The following ADGRF5 variants were observed in gnomAD, a reference collection of about 807,000 sequenced individuals.
ADGRF5 encodes G-protein coupled receptor 116.
ADGRF5 carries 75 observed loss-of-function variants against 132.3 expected under a neutral mutation model. The ratio of observed to expected loss-of-function variants is 0.57; its 90% CI spans 0.47 to 0.69. The LOEUF is 0.69. ADGRF5 is among the 30% of genes least tolerant of loss of function. The pLI is 0.00. For missense variants in ADGRF5, 1,516 were observed against 1,630.6 expected (o/e 0.93, Z 1.21); for synonymous variants, 629 against 597.6 (o/e 1.05, Z -0.77).
At position 46,884,869 on chromosome 6, in the gene ADGRF5, G is replaced by A. The variant is rs944590713; in HGVS notation, c.329-598C>T. Among the ~76,000 whole-genome samples, 4 of 152,132 alleles carry A rather than the reference G, an allele frequency of 2.6e-5. No homozygotes were observed. The South Asian group carries it at 8.3e-4, about 32-fold the overall frequency. On this transcript the variant is annotated intron_variant, in intron 4 of 20. Transcript: ENST00000283296. ...AGGTCTACAGCCAATAGCTAGTGAGGAACTGGAGGCTGCCAACAACCACAT... is the reference window on the plus strand; with the variant it reads ...AGGTCTACAGCCAATAGCTAGTGAGAAACTGGAGGCTGCCAACAACCACAT...
chr6:46,900,270 A>T (rs1774617583), intron 2 of ADGRF5, among the ~76,000 whole-genome samples, 187 bp from the exon 3 acceptor site: 1 of 152,136 alleles, frequency 6.6e-6, no homozygotes, highest in South Asian at 2.1e-4. Flanking sequence ...TGGAGCTGTT[A>T]CTGTAGTGTG....
intron 2 of ADGRF5, among the ~76,000 whole-genome samples, chr6:46,905,656 T>C (rs1775276796): frequency 6.6e-6 from 1 of 151,798 alleles, no homozygotes; most frequent in Non-Finnish European, 1.5e-5. Flanking sequence ...ATTGGAATAG[T>C]AGACAAATAA....
chr6:46,861,737 C>T (rs1191448201), intron 15 of ADGRF5, among the ~76,000 whole-genome samples: 1 of 152,134 alleles, frequency 6.6e-6, no homozygotes, highest in Non-Finnish European at 1.5e-5. Context: ...AGTAAGTATC[C>T]AGTAAGTATA....
intron 1 of ADGRF5, among the ~76,000 whole-genome samples, chr6:46,913,843 T>C (rs1441323961): frequency 3.3e-5 from 5 of 152,326 alleles, no homozygotes; most frequent in African/African-American, 9.6e-5. Flanking sequence ...AGGAACTAAC[T>C]GTATTAGTAC....
chr6:46,936,701 C>T (rs1346274668), intron 1 of ADGRF5, among the ~76,000 whole-genome samples: 1 of 152,188 alleles, frequency 6.6e-6, no homozygotes, highest in East Asian at 1.9e-4. Context: ...TCTGTTTACC[C>T]TCCAGGTCCA....
intron 10 of ADGRF5, among the ~76,000 whole-genome samples, chr6:46,873,067 C>A (rs1310633982): frequency 2.0e-5 from 3 of 152,080 alleles, no homozygotes; most frequent in Non-Finnish European, 4.4e-5. Context: ...CTAAGGCTCA[C>A]CCCGCCACTT....
At chr6:46,891,684 G>A (rs981060858) in intron 3 of ADGRF5, among the ~76,000 whole-genome samples, 3 of 152,200 alleles carry the variant, frequency 2.0e-5, no homozygotes, top group African/African-American at 7.2e-5. Context: ...CACAACTGAA[G>A]AACAAGTGTG....
chr6:46,947,201 T>G (rs1447534794), intron 1 of ADGRF5, among the ~76,000 whole-genome samples: 1 of 152,162 alleles, frequency 6.6e-6, no homozygotes, highest in Non-Finnish European at 1.5e-5. Flanking sequence ...AGCCAATAAG[T>G]AGACTCCAAA....
intron 12 of ADGRF5, 53 bp downstream of exon 12, chr6:46,868,830 G>T: frequency 8.9e-7 from 1 of 1,118,460 alleles, no homozygotes; most frequent in Non-Finnish European, 1.3e-6. Flanking sequence ...AACTATTATT[G>T]CATGTTTCCA....
intron 1 of ADGRF5, among the ~76,000 whole-genome samples, chr6:46,906,999 G>A (rs1055152958): frequency 1.3e-5 from 2 of 152,194 alleles, no homozygotes; most frequent in African/African-American, 4.8e-5. Flanking sequence ...GGGTTGATAG[G>A]CTGAGAATGG....
intron 7 of ADGRF5, 80 bp downstream of exon 7, chr6:46,881,969 C>T (rs1001982147): frequency 9.6e-7 from 1 of 1,038,126 alleles, no homozygotes; most frequent in African/African-American, 1.6e-5. Context: ...TGAATAATGC[C>T]TCTCTAGGGG....
intron 12 of ADGRF5, 60 bp from the exon 13 acceptor site, chr6:46,867,197 G>T (rs1399047038): frequency 5.0e-6 from 5 of 1,005,582 alleles, no homozygotes; most frequent in Non-Finnish European, 7.8e-6. Flanking sequence ...AAAAGCATCT[G>T]CTGGGAAGGT....
At chr6:46,891,455 T>G (rs1401541352) in intron 3 of ADGRF5, among the ~76,000 whole-genome samples, 1 of 152,202 alleles carries the variant, frequency 6.6e-6, no homozygotes, top group Non-Finnish European at 1.5e-5. Context: ...CTCCAGAGGG[T>G]TCACTACCTC....
chr6:46,916,513 G>C (rs867339120), intron 1 of ADGRF5, among the ~76,000 whole-genome samples: 1 of 152,112 alleles, frequency 6.6e-6, no homozygotes, highest in African/African-American at 2.4e-5. Context: ...GCCCCTCATC[G>C]GTTTGGATAT....
chr6:46,915,819 C>T (rs1383407417), intron 1 of ADGRF5, among the ~76,000 whole-genome samples: 1 of 151,734 alleles, frequency 6.6e-6, no homozygotes, highest in Non-Finnish European at 1.5e-5. Flanking sequence ...TGACTTTAGT[C>T]CTCACCTCAT....
chr6:46,919,297 A>G (rs957449166), intron 1 of ADGRF5, among the ~76,000 whole-genome samples: 3 of 152,248 alleles, frequency 2.0e-5, no homozygotes, highest in Non-Finnish European at 4.4e-5. Context: ...CCTCCAAAAA[A>G]ATTCATTGTG....
chr6:46,937,145 TAAAC>T (rs1271859027), intron 1 of ADGRF5, among the ~76,000 whole-genome samples: 4 of 151,998 alleles, frequency 2.6e-5, no homozygotes, highest in Admixed American at 2.6e-4. Context: ...ATACAGAAAA[TAAAC>T]AAACAAATGA....
Position 46,872,022 on chromosome 6 carries a change from A to C in ADGRF5, c.1241-9T>G. 6.4e-7 allele frequency: 1 copy of C among 1,573,108 alleles called. No homozygotes were observed. The highest frequency in any genetic ancestry group is 8.7e-7 in the Non-Finnish European group (1 of 1,151,964). ...GTCTGTCTCAGGGGTTCCTATAATG[A>C]GAAGCAAATTGTTGCCATCCCAGCT... is the stretch of plus-strand genomic sequence containing the variant. On this transcript the variant is annotated splice_polypyrimidine_tract_variant and intron_variant, in intron 10 of 20. Transcript: ENST00000283296.
chr6:46,900,095 A>T lies in ADGRF5; in HGVS notation c.103-12T>A, dbSNP rs769913205. ...TGTTCATGAAGACTCTGAAAAGAAC[A>T]TTTGAGAAAGTTGTCAATTAACGTT... On this transcript the variant is annotated splice_polypyrimidine_tract_variant and intron_variant, in intron 2 of 20. Coordinates refer to ENST00000283296, the MANE Select transcript of ADGRF5 (RefSeq NM_001098518.2). 6.2e-7 allele frequency: 1 copy of T among 1,608,206 alleles called. No homozygotes were observed. The highest frequency in any genetic ancestry group is 8.5e-7 in the Non-Finnish European group (1 of 1,174,632).
Sources: allele counts gnomAD v4.1 joint callset (sites outside exome capture counted in the v4.1 genomes callset), GRCh38; gene constraint gnomAD v4.1.1; transcripts MANE v1.5; gene names NCBI Gene and HGNC (gene_info 2026-07-23, HGNC 2026-07-21).